RPH3A: variants seen among roughly 807,000 people sequenced by gnomAD.
RPH3A encodes the protein rabphilin 3A.
In RPH3A, 48 loss-of-function variants were observed where a neutral mutation model predicts 102.2. The observed-to-expected ratio is 0.47, with a 90% CI of 0.37 to 0.60. The LOEUF (loss-of-function observed/expected upper bound fraction) is 0.60. Among genes scored for constraint, RPH3A ranks in the 20% least tolerant of loss-of-function variants. The pLI, the probability that RPH3A is intolerant of heterozygous loss-of-function variation, is 0.00. For synonymous variants in RPH3A, 310 were observed against 324.3 expected, an observed-to-expected ratio of 0.96 and a Z score of 0.47; for missense variants, 781 against 910.1, an observed-to-expected ratio of 0.86 and a Z score of 1.83.
chr12:112,614,474 A>G (rs1291015481), intron 1 of RPH3A, among the ~76,000 whole-genome samples: 1 of 151,394 alleles, frequency 6.6e-6, no homozygotes, highest in East Asian at 1.9e-4. Context: ...ACTTGAGCCC[A>G]GAAGTTTGAG....
chr12:112,740,596 G>C (rs896618921), intron 1 of RPH3A, among the ~76,000 whole-genome samples: 1 of 152,184 alleles, frequency 6.6e-6, no homozygotes, highest in Admixed American at 6.5e-5. Context: ...GTTCCTGAAA[G>C]CCTCTGTGTC....
chr12:112,579,028 G>A (rs182199403), intron 1 of RPH3A, among the ~76,000 whole-genome samples: 53 of 152,222 alleles, frequency 3.5e-4, no homozygotes, highest in Non-Finnish European at 6.2e-4. Context: ...CCGAAAATCT[G>A]ATTAAAGCTA....
intron 1 of RPH3A, among the ~76,000 whole-genome samples, chr12:112,653,323 T>A (rs145190099): frequency 4.5e-4 from 65 of 144,596 alleles, no homozygotes; most frequent in African/African-American, 1.6e-3. Context: ...TGAGCTGAGA[T>A]CATGCCACTG....
chr12:112,792,236 A>AT lies in RPH3A; in HGVS notation c.-44dup, dbSNP rs971283136. 1.1e-4 allele frequency: 17 copies of AT among 152,268 alleles called. No homozygotes were observed. The highest frequency in any genetic ancestry group is 4.1e-4 in the African/African-American group (17 of 41,546). 9.4% of individuals were successfully genotyped at this position (152,268 alleles called of 1,614,324 possible). A position where few individuals can be genotyped will look rare whatever the true frequency, so the allele number is the denominator to read the frequency against. Reference sequence around the variant, plus strand: ...GAGTTGGCAAGAATTTGGCTCACCCATTCCCCCTGCAAGCCTCCAGCGTCG... The same window carrying AT: ...GAGTTGGCAAGAATTTGGCTCACCCATTTCCCCCTGCAAGCCTCCAGCGTCG... On this transcript the variant is annotated 5_prime_UTR_variant, in exon 2 of 22. Coordinates refer to ENST00000389385, the MANE Select transcript of RPH3A (RefSeq NM_001143854.2).
At chr12:112,705,561 C>T (rs923504168) in intron 1 of RPH3A, among the ~76,000 whole-genome samples, 30 of 151,944 alleles carry the variant, frequency 2.0e-4, no homozygotes, top group African/African-American at 7.3e-4. Flanking sequence ...GTAATTTAGA[C>T]CCATGGAAAA....
At chr12:112,793,084 G>A (rs951986843) in intron 2 of RPH3A, among the ~76,000 whole-genome samples, 14 of 152,162 alleles carry the variant, frequency 9.2e-5, no homozygotes, top group African/African-American at 3.4e-4. Flanking sequence ...CTTCAGTTTT[G>A]TTCCAGGGTA....
chr12:112,618,342 G>A (rs1468276547), intron 1 of RPH3A, among the ~76,000 whole-genome samples: 1 of 152,150 alleles, frequency 6.6e-6, no homozygotes, highest in Non-Finnish European at 1.5e-5. Flanking sequence ...CTATTCTGCA[G>A]AGCAATTCCA....
chr12:112,730,512 T>C (rs2040624999), intron 1 of RPH3A, among the ~76,000 whole-genome samples: 1 of 152,218 alleles, frequency 6.6e-6, no homozygotes, highest in Admixed American at 6.5e-5. Flanking sequence ...AGGGACTGTA[T>C]TTGCTGCAGA....
chr12:112,881,266 T>A (rs1402952745), intron 14 of RPH3A, among the ~76,000 whole-genome samples: 1 of 152,196 alleles, frequency 6.6e-6, no homozygotes, highest in Non-Finnish European at 1.5e-5. Flanking sequence ...CTGAGCCTCA[T>A]CCCAGCCCTG....
chr12:112,881,696 G>T (rs2042916418), intron 14 of RPH3A, 76 bp from the exon 15 acceptor site: 6 of 1,017,834 alleles, frequency 5.9e-6, no homozygotes, highest in African/African-American at 3.3e-5. Flanking sequence ...GATGCCAGGG[G>T]CTATGCCCAT....
chr12:112,806,575 G>T (rs1404684157), intron 2 of RPH3A, among the ~76,000 whole-genome samples: 2 of 151,954 alleles, frequency 1.3e-5, no homozygotes, highest in African/African-American at 2.4e-5. Context: ...GTTGTAATGA[G>T]TCGAGATCAC....
chr12:112,800,700 G>C lies in RPH3A; in HGVS notation c.-19+8437G>C, dbSNP rs143461931. Among the ~76,000 whole-genome samples, 220 of 152,198 alleles carry C rather than the reference G, an allele frequency of 1.4e-3. 2 individuals carry two copies. Among genetic ancestry groups the C allele is most frequent in the African/African-American group, 5.1e-3 (210 of 41,508 alleles). On this transcript the variant is annotated intron_variant, in intron 2 of 21. Transcript: ENST00000389385. ...GTGAATTCTGCGGGAGTGCAGACGGGCTTTACTGATGGATCAGACATAAGG... is the reference window on the plus strand; with the variant it reads ...GTGAATTCTGCGGGAGTGCAGACGGCCTTTACTGATGGATCAGACATAAGG...
At position 112,868,570 on chromosome 12, in the gene RPH3A, G is replaced by A; in HGVS notation, c.585G>A (p.Lys195=). 6.2e-7 allele frequency: 1 copy of A among 1,614,132 alleles called. No individual in the cohort carries two copies. Among genetic ancestry groups the A allele is most frequent in the Non-Finnish European group, 8.5e-7 (1 of 1,180,014 alleles). The change falls in exon 8 of 22, where the codon AAG becomes AAA. Residue 195 remains lysine (K), a synonymous_variant. Coordinates refer to ENST00000389385, the MANE Select transcript of RPH3A (RefSeq NM_001143854.2). ...CTGAACAGCCTGCTCCTGAGCCCAA[G>A]CACCCTGCCCGGGCTCCAGCTCGAG... ...AAPEQPAPEP[K]HPARAPARGD...
intron 1 of RPH3A, among the ~76,000 whole-genome samples, chr12:112,786,332 A>G (rs748598270): frequency 6.6e-6 from 1 of 152,210 alleles, no homozygotes; most frequent in African/African-American, 2.4e-5. Context: ...TTGTCAGTGC[A>G]CATAGGCCGA....
intron 1 of RPH3A, among the ~76,000 whole-genome samples, chr12:112,677,736 A>G (rs1239475285): frequency 1.3e-5 from 2 of 152,072 alleles, no homozygotes; most frequent in South Asian, 4.1e-4. Flanking sequence ...TGATGCTTGC[A>G]AGGCACACAG....
Position 112,655,549 on chromosome 12 carries a change from G to A in RPH3A, c.-140+80230G>A, listed in dbSNP as rs528291729. ...TTCATGTCTGATTTGGGCCCATCTC[G>A]AATTTTTGTTGGTCTTTTTTTTTTT... On this transcript the variant is annotated intron_variant, in intron 1 of 21. Transcript: ENST00000543106. 2.4e-4 allele frequency among the ~76,000 whole-genome samples: 33 copies of A among 137,360 alleles called. No homozygotes were observed. The South Asian group carries it at 6.3e-3, about 26-fold the overall frequency. 90.1% of individuals were successfully genotyped at this position (137,360 alleles called of 152,430 possible).
chr12:112,871,423 G>C (rs1029049933), intron 10 of RPH3A, among the ~76,000 whole-genome samples: 8 of 152,160 alleles, frequency 5.3e-5, no homozygotes, highest in Non-Finnish European at 1.0e-4. Context: ...TCTAGGTACT[G>C]CGTATCAGTA....
At chr12:112,630,572 C>T (rs1321742647) in intron 1 of RPH3A, among the ~76,000 whole-genome samples, 1 of 152,188 alleles carries the variant, frequency 6.6e-6, no homozygotes, top group Non-Finnish European at 1.5e-5. Flanking sequence ...GCAGAGCCTC[C>T]TGGGGAAAGT....
chr12:112,893,509 T>A (rs997678559), intron 19 of RPH3A: 2 of 152,298 alleles, frequency 1.3e-5, no homozygotes, highest in South Asian at 4.1e-4. Flanking sequence ...TATTTTGTTT[T>A]GTTTGGTTTG....
Sources: allele counts gnomAD v4.1 joint callset (sites outside exome capture counted in the v4.1 genomes callset), GRCh38; gene constraint gnomAD v4.1.1; transcripts MANE v1.5; gene names NCBI Gene and HGNC (gene_info 2026-07-23, HGNC 2026-07-21).